WDHD1: variants seen among roughly 807,000 people sequenced by gnomAD.
WDHD1 encodes the protein WD repeat and HMG-box DNA binding protein 1.
WDHD1 carries 111 observed loss-of-function variants against 135.4 expected under a neutral mutation model. The ratio of observed to expected loss-of-function variants is 0.82; its 90% CI spans 0.70 to 0.96. The LOEUF (loss-of-function observed/expected upper bound fraction) is 0.96. WDHD1 is among the 40% of genes least tolerant of loss of function. The probability of loss-of-function intolerance (pLI) is 0.00; values close to 1 mark genes in which losing one functional copy is unlikely to be tolerated. For synonymous variants in WDHD1, 434 were observed against 439.0 expected, an observed-to-expected ratio of 0.99 and a Z score of 0.14; for missense variants, 1,351 against 1,336.3, an observed-to-expected ratio of 1.01 and a Z score of -0.17.
intron 1 of WDHD1, 90 bp downstream of exon 1, chr14:55,026,938 C>T (rs1380248476): frequency 4.0e-6 from 3 of 751,112 alleles, no homozygotes; most frequent in Non-Finnish European, 6.8e-6. Context: ...GTGACACCAG[C>T]GGGATAAGGC....
intron 3 of WDHD1, 43 bp downstream of exon 3, chr14:55,013,442 G>T: frequency 1.5e-6 from 2 of 1,319,684 alleles, no homozygotes; most frequent in Non-Finnish European, 2.2e-6. Flanking sequence ...AAAATCACAT[G>T]CCAGTATCAT....
chr14:54,966,290 G>A (rs1274640471), intron 18 of WDHD1, among the ~76,000 whole-genome samples, 185 bp downstream of exon 18: 1 of 151,318 alleles, frequency 6.6e-6, no homozygotes, highest in Non-Finnish European at 1.5e-5. Flanking sequence ...AGCCGAGATC[G>A]CACCACTGCA....
At chr14:54,986,729 A>G (rs1183641015) in intron 14 of WDHD1, among the ~76,000 whole-genome samples, 15 of 152,320 alleles carry the variant, frequency 9.8e-5, no homozygotes, top group African/African-American at 3.6e-4. Flanking sequence ...TTACCTTGAT[A>G]AGACCAGTCT....
At chr14:54,999,683 A>G (rs551201700) in intron 10 of WDHD1, among the ~76,000 whole-genome samples, 2 of 152,096 alleles carry the variant, frequency 1.3e-5, no homozygotes, top group South Asian at 4.2e-4. Flanking sequence ...TGTAGCCTCA[A>G]CCTCCTGGGC....
intron 25 of WDHD1, among the ~76,000 whole-genome samples, chr14:54,943,956 A>C (rs1463090697): frequency 6.6e-6 from 1 of 152,150 alleles, no homozygotes; most frequent in Non-Finnish European, 1.5e-5. Context: ...CTCAAACAAA[A>C]ACAAAACAAA....
intron 12 of WDHD1, among the ~76,000 whole-genome samples, chr14:54,990,360 G>A (rs1399931090): frequency 6.6e-6 from 1 of 152,122 alleles, no homozygotes; most frequent in Non-Finnish European, 1.5e-5. Context: ...CACTTTGGGA[G>A]GCCTAGGCAG....
At chr14:54,954,273 C>T (rs112318245) in intron 24 of WDHD1, among the ~76,000 whole-genome samples, 17 of 152,048 alleles carry the variant, frequency 1.1e-4, no homozygotes, top group Middle Eastern at 3.4e-3. Context: ...GCAACAAGAG[C>T]GAAACTCCGT....
chr14:55,026,694 T>C lies in WDHD1; in HGVS notation c.77+17A>G. 1.9e-6 allele frequency: 3 copies of C among 1,613,914 alleles called. No homozygotes were observed. Among genetic ancestry groups the C allele is most frequent in the Middle Eastern group, 1.6e-4 (1 of 6,062 alleles). On this transcript the variant is annotated intron_variant, in intron 2 of 25. Transcript: ENST00000360586. ...TTAACATTTGCACCTAAAACGTTGTTTCTCAAAGAACCTTACCTCCCAGAA... is the reference window on the plus strand; with the variant it reads ...TTAACATTTGCACCTAAAACGTTGTCTCTCAAAGAACCTTACCTCCCAGAA...
At position 55,007,366 on chromosome 14, in the gene WDHD1, T is replaced by C. The variant is rs746782032; in HGVS notation, c.514A>G (p.Ile172Val). ...VWQISDQTCA[I>V]SWPLLQKCND... ...CATTTTTGTAGCAGTGGCCAACTAATAGCACATGTCTAATTGGTAAAAAAA... is the reference window on the plus strand; with the variant it reads ...CATTTTTGTAGCAGTGGCCAACTAACAGCACATGTCTAATTGGTAAAAAAA... The change falls in exon 7 of 26, where the codon ATT becomes GTT. Residue 172 changes from isoleucine to valine, a missense_variant. Physicochemically the swap from Ile to Val is conservative, Grantham distance 29 (BLOSUM62 3). Transcript: ENST00000360586. The C allele has an allele frequency of 5.1e-5, 82 of 1,598,332 alleles. No homozygotes were observed. The South Asian group carries it at 8.4e-4, about 16-fold the overall frequency.
At chr14:54,983,014 AT>A (rs2140191762) in intron 15 of WDHD1, among the ~76,000 whole-genome samples, 1 of 152,134 alleles carries the variant, frequency 6.6e-6, no homozygotes, top group East Asian at 1.9e-4. Flanking sequence ...AAAATACAAC[AT>A]TAGCCAGGCG....
chr14:54,970,633 AAAAG>A (rs997073551), intron 16 of WDHD1, among the ~76,000 whole-genome samples: 35 of 151,422 alleles, frequency 2.3e-4, no homozygotes, highest in Middle Eastern at 3.4e-3. Flanking sequence ...AAAAAAAAAA[AAAAG>A]AAAGAAAGAA....
chr14:54,965,873 T>C (rs754798136), intron 18 of WDHD1, among the ~76,000 whole-genome samples: 1 of 151,492 alleles, frequency 6.6e-6, no homozygotes, highest in Non-Finnish European at 1.5e-5. Context: ...GGAGAATCAC[T>C]TGAACCCGGG....
intron 7 of WDHD1, chr14:55,004,731 G>T (rs924840358): frequency 8.1e-6 from 3 of 371,950 alleles, no homozygotes; most frequent in Non-Finnish European, 1.6e-5. Flanking sequence ...GGGATTATGG[G>T]CGTGAGCCAG....
chr14:54,947,897 T>C (rs1042107340), intron 24 of WDHD1, among the ~76,000 whole-genome samples: 3 of 151,414 alleles, frequency 2.0e-5, no homozygotes, highest in Non-Finnish European at 4.4e-5. Context: ...AGGCCAAAAT[T>C]GTGACTTTTC....
At chr14:54,954,154 C>T (rs1438776313) in intron 24 of WDHD1, among the ~76,000 whole-genome samples, 4 of 151,158 alleles carry the variant, frequency 2.6e-5, no homozygotes, top group Non-Finnish European at 4.4e-5. Flanking sequence ...GGCATGGTGG[C>T]GTATGCCTGC....
At chr14:54,953,485 A>T (rs2140156648) in intron 24 of WDHD1, among the ~76,000 whole-genome samples, 1 of 152,294 alleles carries the variant, frequency 6.6e-6, no homozygotes, top group African/African-American at 2.4e-5. Context: ...GGTGCTGGAG[A>T]GGATGTGGAG....
intron 4 of WDHD1, among the ~76,000 whole-genome samples, chr14:55,009,784 T>C (rs146625135): frequency 2.0e-5 from 3 of 152,198 alleles, no homozygotes; most frequent in Non-Finnish European, 2.9e-5. Context: ...TATTATAAAA[T>C]AGGCCATCTG....
chr14:55,013,194 C>CAAAA (rs71448422), intron 3 of WDHD1, among the ~76,000 whole-genome samples: 3,659 of 82,140 alleles, frequency 0.045, 191 homozygotes, highest in African/African-American at 0.094. Context: ...GATCCCGTTT[C>CAAAA]AAAAAAAAAA....
chr14:54,989,283 T>C, intron 12 of WDHD1, 71 bp from the exon 13 acceptor site: 1 of 1,086,438 alleles, frequency 9.2e-7, no homozygotes, highest in Non-Finnish European at 1.3e-6. Flanking sequence ...GCCACAGTAG[T>C]ACAAATTAAC....
Sources: allele counts gnomAD v4.1 joint callset (sites outside exome capture counted in the v4.1 genomes callset), GRCh38; gene constraint gnomAD v4.1.1; transcripts MANE v1.5; gene names NCBI Gene and HGNC (gene_info 2026-07-23, HGNC 2026-07-21).